The following CTNNA2 variants were observed in gnomAD, a reference collection of about 807,000 sequenced individuals.
The protein encoded by CTNNA2 is catenin alpha-2.
In CTNNA2, 42 loss-of-function variants were observed where a neutral mutation model predicts 101.0. That is an observed-to-expected ratio of 0.42 (90% CI 0.32 to 0.54). The LOEUF (loss-of-function observed/expected upper bound fraction) is 0.54, where lower values mean the gene tolerates loss of function less well. Among genes scored for constraint, CTNNA2 ranks in the 20% least tolerant of loss-of-function variants. CTNNA2 has a pLI of 0.14. For missense variants in CTNNA2, 871 were observed against 1,223.1 expected (o/e 0.71, Z 4.29); for synonymous variants, 450 against 456.4 (o/e 0.99, Z 0.18).
chr2:79,863,542 T>G (rs1474021864), intron 4 of CTNNA2, among the ~76,000 whole-genome samples: 1 of 152,164 alleles, frequency 6.6e-6, no homozygotes, highest in Admixed American at 6.5e-5. Flanking sequence ...GATGAATCAT[T>G]CTGTCCAATG....
intron 3 of CTNNA2, among the ~76,000 whole-genome samples, chr2:79,825,848 C>G (rs1678396199): frequency 6.6e-6 from 1 of 152,122 alleles, no homozygotes; most frequent in African/African-American, 2.4e-5. Context: ...ACAAATACTC[C>G]ATTTCCAATT....
chr2:79,393,750 C>T (rs1398346449), intron 4 of CTNNA2, among the ~76,000 whole-genome samples: 1 of 151,916 alleles, frequency 6.6e-6, no homozygotes, highest in Admixed American at 6.6e-5. Context: ...ATTCAGCTCA[C>T]CCCTATTCTC....
chr2:80,358,441 C>T (rs1344271572), intron 7 of CTNNA2, among the ~76,000 whole-genome samples: 3 of 149,542 alleles, frequency 2.0e-5, no homozygotes, highest in African/African-American at 7.4e-5. Flanking sequence ...AGCTCTGCCT[C>T]CCAGGTTCAA....
At chr2:79,808,919 C>T (rs1161753842) in intron 3 of CTNNA2, among the ~76,000 whole-genome samples, 4 of 152,074 alleles carry the variant, frequency 2.6e-5, no homozygotes, top group African/African-American at 9.7e-5. Context: ...AGGTATTTCT[C>T]CTAATGCTAT....
intron 7 of CTNNA2, among the ~76,000 whole-genome samples, chr2:80,251,819 C>T (rs755639508): frequency 2.0e-4 from 31 of 152,268 alleles, no homozygotes; most frequent in Admixed American, 7.8e-4. Context: ...TTGGAGCTAA[C>T]GCCTTTTCCT....
chr2:79,917,067 A>C (rs7590776), intron 7 of CTNNA2, among the ~76,000 whole-genome samples: 1 of 151,170 alleles, frequency 6.6e-6, no homozygotes, highest in Non-Finnish European at 1.5e-5. Context: ...AGCCTTATTT[A>C]TTTATTTATT....
At chr2:80,364,996 A>C (rs905911783) in intron 7 of CTNNA2, among the ~76,000 whole-genome samples, 2 of 152,084 alleles carry the variant, frequency 1.3e-5, no homozygotes, top group Non-Finnish European at 2.9e-5. Flanking sequence ...GCGTGCTCCT[A>C]CACACTGTAA....
At chr2:80,143,807 A>G (rs1703162624) in intron 7 of CTNNA2, among the ~76,000 whole-genome samples, 1 of 152,166 alleles carries the variant, frequency 6.6e-6, no homozygotes, top group South Asian at 2.1e-4. Flanking sequence ...CAAATACTTG[A>G]GTGGAAAAAT....
chr2:79,602,231 GTT>G (rs1677598643), intron 1 of CTNNA2, among the ~76,000 whole-genome samples: 1 of 152,054 alleles, frequency 6.6e-6, no homozygotes, highest in Admixed American at 6.5e-5. Context: ...GTTTGGTTTG[GTT>G]TTAGAAATGG....
chr2:79,232,191 G>A lies in CTNNA2; in HGVS notation c.-406+34115G>A, dbSNP rs148866998. Among the ~76,000 whole-genome samples the A allele has an allele frequency of 2.0e-3, 301 of 152,194 alleles. 1 individual carries two copies. Among genetic ancestry groups the A allele is most frequent in the Non-Finnish European group, 2.4e-3 (162 of 68,000 alleles). On this transcript the variant is annotated intron_variant, in intron 2 of 21. Transcript: ENST00000466387. Reference sequence around the variant, plus strand: ...TGGTTCAGTGTGATGCTGGCTGTGCGCTTGTCATAGATGGCTCTTATTATT... The same window carrying A: ...TGGTTCAGTGTGATGCTGGCTGTGCACTTGTCATAGATGGCTCTTATTATT...
intron 7 of CTNNA2, among the ~76,000 whole-genome samples, chr2:80,089,601 T>A (rs1013170789): frequency 3.3e-5 from 5 of 152,052 alleles, no homozygotes; most frequent in Admixed American, 2.0e-4. Flanking sequence ...GCAAAAAAAA[T>A]TAGTAAAATT....
At chr2:79,917,167 G>A (rs1195097257) in intron 7 of CTNNA2, among the ~76,000 whole-genome samples, 1 of 151,776 alleles carries the variant, frequency 6.6e-6, no homozygotes, top group East Asian at 1.9e-4. Context: ...AGCCTCCCAG[G>A]TTCAAGTGAT....
chr2:79,932,787 A>T (rs1309055369), intron 7 of CTNNA2, among the ~76,000 whole-genome samples: 1 of 152,198 alleles, frequency 6.6e-6, no homozygotes, highest in Non-Finnish European at 1.5e-5. Flanking sequence ...ATTGAGTTAC[A>T]AACTTGACAA....
At chr2:79,287,262 G>A (rs1675628476) in intron 2 of CTNNA2, among the ~76,000 whole-genome samples, 2 of 152,244 alleles carry the variant, frequency 1.3e-5, no homozygotes, top group South Asian at 4.1e-4. Flanking sequence ...GCTCGTCAAA[G>A]TCATTCTCCG....
At chr2:79,945,315 A>G (rs1184725668) in intron 7 of CTNNA2, among the ~76,000 whole-genome samples, 1 of 152,188 alleles carries the variant, frequency 6.6e-6, no homozygotes, top group Non-Finnish European at 1.5e-5. Context: ...TGCTGGGGTA[A>G]CAGGAGTGAG....
At chr2:80,398,737 C>T (rs1041682231) in intron 8 of CTNNA2, among the ~76,000 whole-genome samples, 2 of 150,006 alleles carry the variant, frequency 1.3e-5, no homozygotes, top group Non-Finnish European at 3.0e-5. Flanking sequence ...CATGGTGGCA[C>T]GTGCCTGTAA....
chr2:79,517,331 C>T (rs796645819), intron 1 of CTNNA2, among the ~76,000 whole-genome samples: 5 of 152,216 alleles, frequency 3.3e-5, no homozygotes, highest in African/African-American at 9.6e-5. Flanking sequence ...CATGTTTAAC[C>T]CATTTTAATA....
intron 2 of CTNNA2, among the ~76,000 whole-genome samples, chr2:79,741,960 A>G (rs1305081087): frequency 6.9e-6 from 1 of 145,680 alleles, no homozygotes. Flanking sequence ...CTTTCTTTCC[A>G]TTTGTCTCTT....
At chr2:79,392,156 A>G (rs57453955) in intron 4 of CTNNA2, among the ~76,000 whole-genome samples, 6,943 of 152,306 alleles carry the variant, frequency 0.046, 533 homozygotes, top group African/African-American at 0.16. Flanking sequence ...TGTCTTTTCC[A>G]AACACTTGCC....
Sources: gnomAD v4.1 joint callset for allele counts (sites outside exome capture counted in the v4.1 genomes callset) on GRCh38, gnomAD v4.1.1 for gene constraint, MANE v1.5 for transcripts, NCBI Gene and HGNC (gene_info 2026-07-23, HGNC 2026-07-21) for gene names.